The following GRIK2 variants were observed in gnomAD, a reference collection of about 807,000 sequenced individuals.
GRIK2 encodes glutamate ionotropic receptor kainate type subunit 2.
Under a neutral mutation model 100.3 loss-of-function variants are expected in GRIK2, and 32 were observed. The observed-to-expected ratio is 0.32, with a 90% CI of 0.24 to 0.43. GRIK2 has a LOEUF of 0.43. Among genes scored for constraint, GRIK2 ranks in the 20% least tolerant of loss-of-function variants. GRIK2 has a pLI of 1.00. For missense variants in GRIK2, 843 were observed against 1,114.9 expected, an observed-to-expected ratio of 0.76 and a Z score of 3.47; for synonymous variants, 417 against 389.4, an observed-to-expected ratio of 1.07 and a Z score of -0.83.
At chr6:101,496,425 G>T (rs1222793040) in intron 2 of GRIK2, among the ~76,000 whole-genome samples, 2 of 152,160 alleles carry the variant, frequency 1.3e-5, no homozygotes, top group Non-Finnish European at 2.9e-5. Context: ...TGCCTTATGG[G>T]ATCAGACAAT....
intron 15 of GRIK2, among the ~76,000 whole-genome samples, chr6:102,042,711 A>G (rs1173613945): frequency 6.6e-6 from 1 of 151,754 alleles, no homozygotes; most frequent in Non-Finnish European, 1.5e-5. Flanking sequence ...ATAGTAAGGA[A>G]ATCATTGCTG....
intron 11 of GRIK2, among the ~76,000 whole-genome samples, chr6:101,885,344 C>T (rs1786538900): frequency 6.6e-6 from 1 of 151,940 alleles, no homozygotes; most frequent in Admixed American, 6.6e-5. Context: ...AGGGAAATAA[C>T]AAAGCCAGTA....
At position 102,068,570 on chromosome 6, in the gene GRIK2, G is replaced by A; in HGVS notation, c.*59G>A. On this transcript the variant is annotated 3_prime_UTR_variant, in exon 17 of 17. Transcript: ENST00000369134. ...CGTCTTTTTCCAAACAATTTAGCCA[G>A]AATGTTTCCTGTGGAAATATGCAAC... 1.3e-6 allele frequency: 2 copies of A among 1,482,766 alleles called. No individual in the cohort carries two copies. Among genetic ancestry groups the A allele is most frequent in the Non-Finnish European group, 9.3e-7 (1 of 1,076,166 alleles). The allele number at this position is 1,482,766 out of a possible 1,614,324, so 91.9% of individuals were successfully genotyped here. A position where few individuals can be genotyped will look rare whatever the true frequency, so the allele number is the denominator to read the frequency against.
At chr6:101,963,234 A>G (rs1319190781) in intron 14 of GRIK2, among the ~76,000 whole-genome samples, 3 of 129,766 alleles carry the variant, frequency 2.3e-5, no homozygotes, top group African/African-American at 8.4e-5. Flanking sequence ...GGACTTATAT[A>G]TCTTAATTTA....
In GRIK2 at chr6:101,747,786, A is replaced by G. The variant is rs541224863; in HGVS notation, c.952-51862A>G. On this transcript the variant is annotated intron_variant, in intron 7 of 16. Coordinates refer to ENST00000369134, the MANE Select transcript of GRIK2 (RefSeq NM_021956.5). ...TTAAATATTGATAAAAATAGAGGGA[A>G]AGAGTATCCCATACTGTGCCATCTT... is the stretch of plus-strand genomic sequence containing the variant. 2.6e-5 allele frequency among the ~76,000 whole-genome samples: 4 copies of G among 152,336 alleles called. No homozygotes were observed. In the South Asian group the frequency reaches 8.3e-4, roughly 32 times the overall value.
intron 10 of GRIK2, among the ~76,000 whole-genome samples, chr6:101,858,736 TA>T (rs1469842489): frequency 1.3e-5 from 2 of 151,976 alleles, no homozygotes; most frequent in Non-Finnish European, 2.9e-5. Context: ...AAACTATAAT[TA>T]AATATAGTAG....
chr6:101,476,363 G>T (rs1326216291), intron 2 of GRIK2, among the ~76,000 whole-genome samples: 2 of 152,010 alleles, frequency 1.3e-5, no homozygotes, highest in Non-Finnish European at 2.9e-5. Context: ...TGGAGGAAAA[G>T]ATGTGAAAAA....
chr6:101,919,078 A>T (rs1280568009), intron 12 of GRIK2, among the ~76,000 whole-genome samples: 1 of 151,756 alleles, frequency 6.6e-6, no homozygotes, highest in Non-Finnish European at 1.5e-5. Context: ...TAATAGTTTG[A>T]ATAAAGTTAA....
At chr6:101,503,934 T>C (rs1342661364) in intron 2 of GRIK2, among the ~76,000 whole-genome samples, 1 of 152,172 alleles carries the variant, frequency 6.6e-6, no homozygotes, top group Non-Finnish European at 1.5e-5. Context: ...AGAGACTATC[T>C]GGAAGGTTCA....
intron 7 of GRIK2, among the ~76,000 whole-genome samples, chr6:101,749,752 G>C (rs963061450): frequency 6.7e-6 from 1 of 149,466 alleles, no homozygotes; most frequent in Non-Finnish European, 1.5e-5. Context: ...AGCAACAGCA[G>C]TAGCAACACA....
rs192690016 is a variant in GRIK2 at position 101,996,624 on chromosome 6, G to A, written c.2086-38717G>A. Among the ~76,000 whole-genome samples, 51 of 152,186 alleles carry A rather than the reference G, an allele frequency of 3.4e-4. 1 individual carries two copies. The highest frequency in any genetic ancestry group is 1.2e-3 in the African/African-American group (48 of 41,550). On this transcript the variant is annotated intron_variant, in intron 14 of 16. Transcript: ENST00000369134. ...CCATATATGACAGAGCATCACCAGT[G>A]ACAAACACGTTATTGCTGAAGAGTA...
At chr6:102,005,774 A>G (rs80204827) in intron 14 of GRIK2, among the ~76,000 whole-genome samples, 2,574 of 152,178 alleles carry the variant, frequency 0.017, 76 homozygotes, top group East Asian at 0.077. Flanking sequence ...TATGGCTACT[A>G]TAACAGAATA....
intron 2 of GRIK2, 142 bp downstream of exon 2, chr6:101,399,534 A>C: frequency 5.0e-6 from 3 of 599,878 alleles, no homozygotes; most frequent in Admixed American, 3.0e-5. Context: ...CTTTTAAAGA[A>C]CTCCTTGTGC....
At chr6:101,625,602 T>C (rs1582848037) in intron 3 of GRIK2, among the ~76,000 whole-genome samples, 1 of 152,210 alleles carries the variant, frequency 6.6e-6, no homozygotes, top group East Asian at 1.9e-4. Flanking sequence ...CAGTGTGCCT[T>C]ATAGAAAGTT....
intron 14 of GRIK2, among the ~76,000 whole-genome samples, chr6:101,958,932 AT>A (rs548505765): frequency 6.6e-6 from 1 of 151,866 alleles, no homozygotes; most frequent in African/African-American, 2.4e-5. Flanking sequence ...GCTTGCTAGT[AT>A]TTTTTAGAGG....
chr6:101,817,780 T>C (rs77411702), intron 9 of GRIK2, among the ~76,000 whole-genome samples: 3,917 of 152,332 alleles, frequency 0.026, 178 homozygotes, highest in African/African-American at 0.089. Context: ...GAATGTGTTA[T>C]TCAGATCAGA....
intron 2 of GRIK2, among the ~76,000 whole-genome samples, chr6:101,595,638 A>G (rs967320322): frequency 1.3e-5 from 2 of 150,942 alleles, no homozygotes; most frequent in Admixed American, 6.6e-5. Flanking sequence ...ATACACACAC[A>G]GACATATATA....
chr6:101,777,075 G>A (rs1239229466), intron 7 of GRIK2, among the ~76,000 whole-genome samples: 2 of 152,212 alleles, frequency 1.3e-5, no homozygotes, highest in Admixed American at 6.5e-5. Flanking sequence ...CATGCAGTCT[G>A]TGTAGTCCAC....
In GRIK2 at chr6:101,488,903, G is replaced by C. The variant is rs1245355937; in HGVS notation, c.115+89511G>C. Reference sequence around the variant, plus strand: ...CTATTGGAGTTTTCTTTATAATTCTGAGGGTCTAAGGATCTCACAAGTTAT... The same window carrying C: ...CTATTGGAGTTTTCTTTATAATTCTCAGGGTCTAAGGATCTCACAAGTTAT... On this transcript the variant is annotated intron_variant, in intron 2 of 16. Coordinates refer to ENST00000369134, the MANE Select transcript of GRIK2 (RefSeq NM_021956.5). Among the ~76,000 whole-genome samples, 7 of 146,156 alleles carry C rather than the reference G, an allele frequency of 4.8e-5. 2 individuals carry two copies. The Middle Eastern group carries it at 0.011, about 222-fold the overall frequency.
Sources: allele counts gnomAD v4.1 joint callset (sites outside exome capture counted in the v4.1 genomes callset), GRCh38; gene constraint gnomAD v4.1.1; transcripts MANE v1.5; gene names NCBI Gene and HGNC (gene_info 2026-07-23, HGNC 2026-07-21).